Variants in CSMD1 observed in about 807,000 individuals in gnomAD.
The protein encoded by CSMD1 is CUB and Sushi multiple domains 1.
A neutral mutation model predicts 417.5 loss-of-function variants in CSMD1; 213 were observed. The ratio of observed to expected loss-of-function variants is 0.51; its 90% CI spans 0.46 to 0.57. The LOEUF (loss-of-function observed/expected upper bound fraction) is 0.57, where lower values mean the gene tolerates loss of function less well. Among genes scored for constraint, CSMD1 ranks in the 20% least tolerant of loss-of-function variants. The probability of loss-of-function intolerance (pLI) is 0.00; values close to 1 mark genes in which losing one functional copy is unlikely to be tolerated. For missense variants in CSMD1, 6,923 were observed against 4,529.7 expected (o/e 1.53, Z -15.17); for synonymous variants, 2,862 against 1,736.8 (o/e 1.65, Z -16.11).
intron 11 of CSMD1, among the ~76,000 whole-genome samples, chr8:3,477,158 T>TGTCA (rs1371357096): frequency 2.0e-5 from 3 of 152,192 alleles, no homozygotes; most frequent in Non-Finnish European, 4.4e-5. Context: ...ATTCTGCATG[T>TGTCA]GTCACGAAGC....
At chr8:4,849,247 G>A (rs1343140284) in intron 1 of CSMD1, among the ~76,000 whole-genome samples, 1 of 152,028 alleles carries the variant, frequency 6.6e-6, no homozygotes, top group African/African-American at 2.4e-5. Context: ...AAATATTATT[G>A]TACACCTGTG....
intron 1 of CSMD1, among the ~76,000 whole-genome samples, chr8:4,659,235 C>T (rs1000751941): frequency 2.0e-5 from 3 of 150,510 alleles, no homozygotes; most frequent in Admixed American, 6.7e-5. Context: ...AGAGGAAATG[C>T]ATAGCTGCAA....
intron 7 of CSMD1, among the ~76,000 whole-genome samples, chr8:3,674,587 A>C (rs1799273642): frequency 6.6e-6 from 1 of 152,130 alleles, no homozygotes; most frequent in South Asian, 2.1e-4. Context: ...CTACTGCAAA[A>C]TATATTATAA....
chr8:3,390,787 G>A (rs1431941927), intron 17 of CSMD1, among the ~76,000 whole-genome samples: 2 of 151,950 alleles, frequency 1.3e-5, no homozygotes, highest in Non-Finnish European at 1.5e-5. Context: ...ATATGAGCAG[G>A]GTTCTGTATG....
At chr8:4,768,859 G>C (rs1241473432) in intron 1 of CSMD1, among the ~76,000 whole-genome samples, 1 of 152,182 alleles carries the variant, frequency 6.6e-6, no homozygotes, top group Non-Finnish European at 1.5e-5. Flanking sequence ...AGGTGGCTGA[G>C]ACATGACTTC....
chr8:4,985,430 A>G (rs1283312953), intron 1 of CSMD1, among the ~76,000 whole-genome samples: 1 of 152,222 alleles, frequency 6.6e-6, no homozygotes, highest in Non-Finnish European at 1.5e-5. Flanking sequence ...CGTTACAGTT[A>G]TACTGAACTG....
chr8:4,136,211 G>T (rs1585393976), intron 3 of CSMD1, among the ~76,000 whole-genome samples: 1 of 152,120 alleles, frequency 6.6e-6, no homozygotes, highest in African/African-American at 2.4e-5. Context: ...CACAAAAATT[G>T]ATCACATATA....
rs138615603 is a variant in CSMD1 at position 3,306,183 on chromosome 8, A to ATATC, written c.3950+1508_3950+1511dup. On this transcript the variant is annotated intron_variant, in intron 25 of 69. Coordinates refer to ENST00000635120, the MANE Select transcript of CSMD1 (RefSeq NM_033225.6). The stretch of plus-strand genomic sequence containing the variant: ...AGGGTTGCAGTGAAGTAAGTGTATG[A>ATATC]TATCTATGTGTAATACACATTACTA... Among the ~76,000 whole-genome samples the ATATC allele has an allele frequency of 5.0e-3, 764 of 151,986 alleles. 5 individuals are homozygous for ATATC. Among genetic ancestry groups the ATATC allele is most frequent in the African/African-American group, 0.017 (703 of 41,266 alleles).
At chr8:3,229,448 A>C (rs1302489635) in intron 27 of CSMD1, among the ~76,000 whole-genome samples, 1 of 152,188 alleles carries the variant, frequency 6.6e-6, no homozygotes, top group Non-Finnish European at 1.5e-5. Flanking sequence ...CATATTTGTG[A>C]TAAATTGTCT....
chr8:3,681,270 G>A (rs1260236370), intron 7 of CSMD1, among the ~76,000 whole-genome samples: 1 of 152,166 alleles, frequency 6.6e-6, no homozygotes, highest in Admixed American at 6.5e-5. Context: ...CAGATGACAT[G>A]ATTGTATATT....
intron 18 of CSMD1, among the ~76,000 whole-genome samples, chr8:3,369,889 C>T (rs776331974): frequency 1.3e-5 from 2 of 152,182 alleles, no homozygotes; most frequent in African/African-American, 4.8e-5. Context: ...AGTTCAAATG[C>T]CAGCTCAGCT....
In CSMD1 at chr8:4,181,267, C is replaced by G. The variant is rs555363656; in HGVS notation, c.416-149168G>C. ...CCATACCACCCTGAACGTGCCCAAT[C>G]TCATCTGAATTTGATATTTATTGTA... On this transcript the variant is annotated intron_variant, in intron 3 of 69. Transcript: ENST00000635120. Among the ~76,000 whole-genome samples, 4 of 152,210 alleles carry G rather than the reference C, an allele frequency of 2.6e-5. No homozygotes were observed. In the East Asian group the frequency reaches 7.7e-4, roughly 29 times the overall value.
chr8:4,873,588 CT>C (rs999929383), intron 1 of CSMD1, among the ~76,000 whole-genome samples: 33 of 152,074 alleles, frequency 2.2e-4, no homozygotes, highest in African/African-American at 7.0e-4. Flanking sequence ...AACAATTCAA[CT>C]TTTTTCAAGG....
intron 3 of CSMD1, among the ~76,000 whole-genome samples, chr8:4,352,880 A>G (rs1018406095): frequency 2.0e-5 from 3 of 152,216 alleles, no homozygotes; most frequent in African/African-American, 7.2e-5. Flanking sequence ...ATCGTCAGCC[A>G]TAATTACCTC....
At chr8:3,538,780 C>A (rs1200789000) in intron 10 of CSMD1, among the ~76,000 whole-genome samples, 1 of 152,172 alleles carries the variant, frequency 6.6e-6, no homozygotes, top group Non-Finnish European at 1.5e-5. Flanking sequence ...ACTCGGGAAG[C>A]CACACTTCTC....
At chr8:3,369,761 T>G (rs1480948617) in intron 18 of CSMD1, among the ~76,000 whole-genome samples, 1 of 152,142 alleles carries the variant, frequency 6.6e-6, no homozygotes, top group Non-Finnish European at 1.5e-5. Context: ...CAGACACTCA[T>G]TTTGGAAAAA....
chr8:4,072,898 C>G (rs1216169307), intron 3 of CSMD1, among the ~76,000 whole-genome samples: 1 of 152,122 alleles, frequency 6.6e-6, no homozygotes, highest in East Asian at 1.9e-4. Flanking sequence ...TGGAAAAAGT[C>G]AAATCAACAC....
intron 5 of CSMD1, among the ~76,000 whole-genome samples, chr8:3,808,079 T>C (rs950221475): frequency 1.3e-5 from 2 of 152,162 alleles, no homozygotes; most frequent in African/African-American, 2.4e-5. Context: ...AAGAAAATGG[T>C]TTGATTATAG....
chr8:4,854,142 G>C (rs556760295), intron 1 of CSMD1, among the ~76,000 whole-genome samples: 2 of 152,148 alleles, frequency 1.3e-5, no homozygotes, highest in Non-Finnish European at 2.9e-5. Context: ...TTAAGATTTT[G>C]GGGGCTATTG....
Sources: gnomAD v4.1 joint callset for allele counts (sites outside exome capture counted in the v4.1 genomes callset) on GRCh38, gnomAD v4.1.1 for gene constraint, MANE v1.5 for transcripts, NCBI Gene and HGNC (gene_info 2026-07-23, HGNC 2026-07-21) for gene names.